CDH13: variants seen among roughly 807,000 people sequenced by gnomAD.
CDH13 encodes cadherin-13.
A neutral mutation model predicts 63.8 loss-of-function variants in CDH13; 24 were observed. The ratio of observed to expected loss-of-function variants is 0.38; its 90% CI spans 0.27 to 0.53. The LOEUF is 0.53. CDH13 is among the 20% of genes least tolerant of loss of function. The pLI, the probability that CDH13 is intolerant of heterozygous loss-of-function variation, is 0.85. For missense variants in CDH13, 1,049 were observed against 903.1 expected, an observed-to-expected ratio of 1.16 and a Z score of -2.07; for synonymous variants, 503 against 355.3, an observed-to-expected ratio of 1.42 and a Z score of -4.67.
At chr16:82,999,120 T>A (rs1169741474) in intron 2 of CDH13, among the ~76,000 whole-genome samples, 1 of 152,188 alleles carries the variant, frequency 6.6e-6, no homozygotes, top group African/African-American at 2.4e-5. Context: ...CTCTTCTTGT[T>A]TTTCATTATG....
intron 6 of CDH13, among the ~76,000 whole-genome samples, chr16:83,407,101 CG>C (rs2092059053): frequency 6.6e-6 from 1 of 152,152 alleles, no homozygotes; most frequent in Non-Finnish European, 1.5e-5. Context: ...TAATTTTGAG[CG>C]CCTACTGTGT....
At chr16:83,185,929 G>A (rs537833555) in intron 4 of CDH13, among the ~76,000 whole-genome samples, 75 of 152,108 alleles carry the variant, frequency 4.9e-4, no homozygotes, top group African/African-American at 1.5e-3. Flanking sequence ...GAGTATGTCC[G>A]AAAACCAATT....
intron 6 of CDH13, among the ~76,000 whole-genome samples, chr16:83,471,847 G>A (rs1048420006): frequency 2.0e-5 from 3 of 152,174 alleles, no homozygotes; most frequent in Non-Finnish European, 4.4e-5. Context: ...CGAGCACATG[G>A]AGGAGACCTT....
At chr16:83,647,977 A>G (rs961458565) in intron 8 of CDH13, among the ~76,000 whole-genome samples, 5 of 152,194 alleles carry the variant, frequency 3.3e-5, no homozygotes, top group South Asian at 2.1e-4. Flanking sequence ...ACTGCCTGAT[A>G]AGGTAACAGC....
chr16:83,251,019 C>T (rs1328670438), intron 5 of CDH13, among the ~76,000 whole-genome samples: 2 of 152,028 alleles, frequency 1.3e-5, no homozygotes, highest in Non-Finnish European at 2.9e-5. Context: ...TCCTGCTCCT[C>T]ATCCCCCAGC....
At chr16:83,241,656 C>A (rs933158745) in intron 5 of CDH13, among the ~76,000 whole-genome samples, 2 of 152,156 alleles carry the variant, frequency 1.3e-5, no homozygotes, top group Non-Finnish European at 2.9e-5. Flanking sequence ...ATTCAGGCCC[C>A]TTGCCCATTT....
intron 4 of CDH13, among the ~76,000 whole-genome samples, chr16:83,204,352 C>T (rs1045869373): frequency 6.6e-6 from 1 of 152,190 alleles, no homozygotes; most frequent in Admixed American, 6.5e-5. Context: ...CCAATACCTA[C>T]CTCATAGAAT....
At chr16:83,110,351 G>A (rs759130996) in intron 3 of CDH13, among the ~76,000 whole-genome samples, 18 of 152,222 alleles carry the variant, frequency 1.2e-4, no homozygotes, top group Non-Finnish European at 2.4e-4. Context: ...CCACACAACA[G>A]CTGGTTTTGG....
At chr16:83,760,651 C>T (rs1913891412) in intron 11 of CDH13, among the ~76,000 whole-genome samples, 1 of 152,198 alleles carries the variant, frequency 6.6e-6, no homozygotes, top group African/African-American at 2.4e-5. Flanking sequence ...TAATCCTAGC[C>T]AGCAGATCAC....
chr16:83,672,561 A>G (rs1350366608), intron 9 of CDH13, among the ~76,000 whole-genome samples: 1 of 151,226 alleles, frequency 6.6e-6, no homozygotes, highest in African/African-American at 2.4e-5. Context: ...AGTAGCTGGG[A>G]TTACAGGTGC....
At chr16:82,988,834 G>C (rs1911295175) in intron 2 of CDH13, among the ~76,000 whole-genome samples, 1 of 151,930 alleles carries the variant, frequency 6.6e-6, no homozygotes, top group African/African-American at 2.4e-5. Flanking sequence ...TCAGTAGGTT[G>C]CTGTGTCCCG....
At position 82,972,080 on chromosome 16, in the gene CDH13, G is replaced by A. The variant is rs180914693; in HGVS notation, c.158-59930G>A. ...GTACAGATGGATTTTTATCAGAAGA[G>A]AGTCTACCCAAGTGAAGCAGTGTAG... On this transcript the variant is annotated intron_variant, in intron 2 of 13. Transcript: ENST00000567109. Among the ~76,000 whole-genome samples the A allele has an allele frequency of 2.0e-3, 308 of 152,306 alleles. 2 individuals are homozygous for A. The highest frequency in any genetic ancestry group is 0.017 in the Middle Eastern group (5 of 294).
chr16:83,074,714 C>G (rs565998773), intron 3 of CDH13, among the ~76,000 whole-genome samples: 2 of 152,304 alleles, frequency 1.3e-5, no homozygotes, highest in East Asian at 1.9e-4. Flanking sequence ...AGCCTTCCTT[C>G]ATAGCCATCG....
At chr16:83,017,432 C>G (rs1043088827) in intron 2 of CDH13, among the ~76,000 whole-genome samples, 7 of 152,126 alleles carry the variant, frequency 4.6e-5, no homozygotes, top group African/African-American at 1.4e-4. Flanking sequence ...TTGAAGGAAT[C>G]CACTCTCTTT....
chr16:82,677,522 T>G (rs1308602025), intron 1 of CDH13, among the ~76,000 whole-genome samples: 1 of 150,368 alleles, frequency 6.7e-6, no homozygotes, highest in Non-Finnish European at 1.5e-5. Flanking sequence ...ACCTTTGAAG[T>G]AATTAATAAA....
chr16:83,073,386 A>C (rs999151860), intron 3 of CDH13, among the ~76,000 whole-genome samples: 1 of 148,512 alleles, frequency 6.7e-6, no homozygotes, highest in African/African-American at 2.5e-5. Context: ...AGCTTTCTTA[A>C]TTACCACACC....
At chr16:83,146,249 G>A (rs986678937) in intron 4 of CDH13, among the ~76,000 whole-genome samples, 1 of 151,594 alleles carries the variant, frequency 6.6e-6, no homozygotes, top group Non-Finnish European at 1.5e-5. Context: ...CAGGAAGAAA[G>A]GAAAGAAGAA....
At chr16:82,741,148 A>T (rs981442701) in intron 1 of CDH13, among the ~76,000 whole-genome samples, 2 of 152,240 alleles carry the variant, frequency 1.3e-5, no homozygotes, top group African/African-American at 4.8e-5. Flanking sequence ...TGTCCTGTTC[A>T]TTCTCTGCTC....
intron 7 of CDH13, among the ~76,000 whole-genome samples, chr16:83,550,611 G>A (rs1254295817): frequency 6.6e-6 from 1 of 152,210 alleles, no homozygotes; most frequent in South Asian, 2.1e-4. Flanking sequence ...GGCACATGAG[G>A]AGGGGGAAAG....
Sources: allele counts gnomAD v4.1 joint callset (sites outside exome capture counted in the v4.1 genomes callset), GRCh38; gene constraint gnomAD v4.1.1; transcripts MANE v1.5; gene names NCBI Gene and HGNC (gene_info 2026-07-23, HGNC 2026-07-21).